Variants in EEF2K observed in about 807,000 individuals in gnomAD.
EEF2K encodes alternative protein EEF2K.
Under a neutral mutation model 93.8 loss-of-function variants are expected in EEF2K, and 70 were observed. That is an observed-to-expected ratio of 0.75 (90% confidence interval 0.62 to 0.91). The LOEUF (loss-of-function observed/expected upper bound fraction) is 0.91, where lower values mean the gene tolerates loss of function less well. Ranked by LOEUF, EEF2K falls within the 40% of genes least tolerant of loss-of-function variation. The pLI, the probability that EEF2K is intolerant of heterozygous loss-of-function variation, is 0.00. For missense variants in EEF2K, 935 were observed against 972.9 expected, an observed-to-expected ratio of 0.96 and a Z score of 0.52; for synonymous variants, 376 against 380.8, an observed-to-expected ratio of 0.99 and a Z score of 0.15.
chr16:22,213,806 G>A (rs951852784), intron 1 of EEF2K, among the ~76,000 whole-genome samples: 1 of 152,060 alleles, frequency 6.6e-6, no homozygotes, highest in Non-Finnish European at 1.5e-5. Context: ...TTCTGTCTTT[G>A]GTCACATCTC....
chr16:22,254,151 T>TAAC (rs2047377633), intron 6 of EEF2K, among the ~76,000 whole-genome samples: 1 of 151,910 alleles, frequency 6.6e-6, no homozygotes, highest in Non-Finnish European at 1.5e-5. Flanking sequence ...ATAATAATAA[T>TAAC]GTGGTTGACT....
chr16:22,214,214 T>A (rs2046939504), intron 1 of EEF2K, among the ~76,000 whole-genome samples: 1 of 152,150 alleles, frequency 6.6e-6, no homozygotes, highest in Non-Finnish European at 1.5e-5. Context: ...GGGGTACTGT[T>A]AGCTGACCCC....
In EEF2K at chr16:22,257,660, CTCT is replaced by C. The variant is rs564173710; in HGVS notation, c.926_928del (p.Phe309del). ...GTCCACAGGTGTCCGCGGGATGGCG[CTCT>C]TCTTCTACTCTCATGCCTGCAACCG... On this transcript the variant is annotated inframe_deletion, in exon 9 of 18. Transcript: ENST00000263026. 9.2e-5 allele frequency: 149 copies of C among 1,613,584 alleles called. No homozygotes were observed. Among genetic ancestry groups the C allele is most frequent in the South Asian group, 5.0e-4 (46 of 91,090 alleles).
intron 6 of EEF2K, among the ~76,000 whole-genome samples, chr16:22,253,176 A>T (rs1454292810): frequency 1.3e-5 from 2 of 152,164 alleles, no homozygotes; most frequent in Non-Finnish European, 2.9e-5. Flanking sequence ...CCCTAGGGTG[A>T]TGAGTGACTG....
chr16:22,271,074 A>G (rs2047576866), intron 15 of EEF2K, among the ~76,000 whole-genome samples: 1 of 150,524 alleles, frequency 6.6e-6, no homozygotes, highest in Non-Finnish European at 1.5e-5. Flanking sequence ...GGTTCAAACG[A>G]TTCTCCTGCC....
rs916821926 is a variant in EEF2K at position 22,206,962 on chromosome 16, CAG to C, written c.-77+288_-77+289del. Among the ~76,000 whole-genome samples, 15 of 152,298 alleles carry C rather than the reference CAG, an allele frequency of 9.8e-5. No homozygotes were observed. In the South Asian group the frequency reaches 1.0e-3, roughly 11 times the overall value. ...TGGGCGGTGATCTGGCTGCAAGTGA[CAG>C]AGAGTTTGGGGGCCTCCCCCCTCGG... On this transcript the variant is annotated intron_variant, in intron 1 of 17. Coordinates refer to ENST00000263026, the MANE Select transcript of EEF2K (RefSeq NM_013302.5).
In EEF2K at chr16:22,283,963, G is replaced by C; in HGVS notation, c.2145G>C (p.Lys715Asn). 1.3e-6 allele frequency: 2 copies of C among 1,589,988 alleles called. No homozygotes were observed. Among genetic ancestry groups the C allele is most frequent in the Non-Finnish European group, 8.6e-7 (1 of 1,168,132 alleles). The stretch of plus-strand genomic sequence containing the variant: ...GACTGGCCAACCAGTACTACCAAAA[G>C]GCTGAAGAGGCCTGGGCCCAGATGG... ...KGRLANQYYQ[K>N]AEEAWAQMEE Residue 715 changes from lysine (K) to asparagine (N), a missense_variant, in exon 18 of 18, where the codon AAG (lysine) becomes AAC (asparagine). Coordinates refer to ENST00000263026, the MANE Select transcript of EEF2K (RefSeq NM_013302.5).
At position 22,285,055 on chromosome 16, in the gene EEF2K, G is replaced by T. The variant is rs543038229; in HGVS notation, c.*1059G>T. Reference sequence around the variant, plus strand: ...ACAGGTTTGAGTTTTGTATGCACACGTTTACTACCTCTAACTCCTACATCA... The same window carrying T: ...ACAGGTTTGAGTTTTGTATGCACACTTTTACTACCTCTAACTCCTACATCA... On this transcript the variant is annotated 3_prime_UTR_variant, in exon 18 of 18. Transcript: ENST00000263026. 2 of 152,500 alleles carry T rather than the reference G, an allele frequency of 1.3e-5. No individual in the cohort carries two copies. Among genetic ancestry groups the T allele is most frequent in the South Asian group, 4.1e-4 (2 of 4,826 alleles). 9.4% of individuals were successfully genotyped at this position (152,500 alleles called of 1,614,324 possible).
At chr16:22,238,512 G>C (rs2141660942) in intron 2 of EEF2K, among the ~76,000 whole-genome samples, 1 of 152,064 alleles carries the variant, frequency 6.6e-6, no homozygotes, top group Non-Finnish European at 1.5e-5. Flanking sequence ...TGGGCATGAT[G>C]GTGAGCACCC....
intron 2 of EEF2K, among the ~76,000 whole-genome samples, chr16:22,235,164 A>T (rs2047155869): frequency 6.6e-6 from 1 of 151,706 alleles, no homozygotes; most frequent in Non-Finnish European, 1.5e-5. Context: ...CAGTGAGCTG[A>T]GATTGTACAA....
In EEF2K at chr16:22,226,073, A is replaced by T. The variant is rs1027594531; in HGVS notation, c.246+98A>T. 2.2e-5 allele frequency: 33 copies of T among 1,523,322 alleles called. No homozygotes were observed. In the African/African-American group the frequency reaches 4.5e-4, roughly 21 times the overall value. The allele number at this position is 1,523,322 out of a possible 1,614,324, so 94.4% of individuals were successfully genotyped here. ...GTTGGGGACTTCTTCGTATTTCCAAACCCTGGACAGTGCTCTAAACTCTGA... is the reference window on the plus strand; with the variant it reads ...GTTGGGGACTTCTTCGTATTTCCAATCCCTGGACAGTGCTCTAAACTCTGA... On this transcript the variant is annotated intron_variant, in intron 2 of 17. Coordinates refer to ENST00000263026, the MANE Select transcript of EEF2K (RefSeq NM_013302.5).
At chr16:22,240,074 G>A (rs1231359649) in intron 2 of EEF2K, among the ~76,000 whole-genome samples, 4 of 144,860 alleles carry the variant, frequency 2.8e-5, no homozygotes, top group African/African-American at 1.0e-4. Flanking sequence ...CTTCACTCCA[G>A]CCTGGTGACA....
intron 3 of EEF2K, 53 bp from the exon 4 acceptor site, chr16:22,248,702 G>A: frequency 6.2e-7 from 1 of 1,607,336 alleles, no homozygotes; most frequent in Non-Finnish European, 8.5e-7. Context: ...TAGCCAGTGA[G>A]AAACAGGACC....
chr16:22,241,806 C>T (rs1261538893), intron 2 of EEF2K, among the ~76,000 whole-genome samples: 1 of 151,854 alleles, frequency 6.6e-6, no homozygotes, highest in Non-Finnish European at 1.5e-5. Flanking sequence ...GAATTACAGG[C>T]TTTATTTTTT....
At chr16:22,278,493 G>A (rs2047661837) in intron 16 of EEF2K, among the ~76,000 whole-genome samples, 1 of 152,166 alleles carries the variant, frequency 6.6e-6, no homozygotes, top group Non-Finnish European at 1.5e-5. Context: ...GAGCAGGCAG[G>A]AGCAGGCATC....
intron 15 of EEF2K, among the ~76,000 whole-genome samples, chr16:22,269,871 C>T (rs2047559817): frequency 1.3e-5 from 2 of 152,138 alleles, no homozygotes; most frequent in South Asian, 4.1e-4. Flanking sequence ...GCATCCTACA[C>T]ACACACTCCT....
chr16:22,257,046 A>AC (rs779652387), intron 7 of EEF2K, 149 bp downstream of exon 7: 57 of 1,406,446 alleles, frequency 4.1e-5, no homozygotes, highest in Non-Finnish European at 5.3e-5. Flanking sequence ...GAGACCCGTC[A>AC]CCCCATGACA....
intron 3 of EEF2K, among the ~76,000 whole-genome samples, chr16:22,247,995 A>G (rs191711875): frequency 3.6e-4 from 55 of 151,832 alleles, no homozygotes; most frequent in Admixed American, 7.9e-4. Flanking sequence ...TCAGCATATT[A>G]TTTATTCAGT....
At chr16:22,275,704 G>A (rs1341688398) in intron 16 of EEF2K, among the ~76,000 whole-genome samples, 6 of 138,658 alleles carry the variant, frequency 4.3e-5, no homozygotes, top group South Asian at 4.7e-4. Context: ...GCAATGGCGC[G>A]ATCTCGGCTC....
Sources: gnomAD v4.1 joint callset for allele counts (sites outside exome capture counted in the v4.1 genomes callset) on GRCh38, gnomAD v4.1.1 for gene constraint, MANE v1.5 for transcripts, NCBI Gene and HGNC (gene_info 2026-07-23, HGNC 2026-07-21) for gene names.